The following CCDC85A variants were observed in gnomAD, a reference collection of about 807,000 sequenced individuals.
CCDC85A encodes coiled-coil domain-containing protein 85A.
In CCDC85A, 38 loss-of-function variants were observed where a neutral mutation model predicts 50.2. The ratio of observed to expected loss-of-function variants is 0.76; its 90% CI spans 0.58 to 0.99. CCDC85A has a LOEUF of 0.99. Ranked by LOEUF, CCDC85A falls within the 50% of genes least tolerant of loss-of-function variation. CCDC85A has a pLI of 0.00. For missense variants in CCDC85A, 820 were observed against 742.0 expected (o/e 1.11, Z -1.22); for synonymous variants, 366 against 301.4 (o/e 1.21, Z -2.22).
chr2:56,253,430 C>G (rs1222301830), intron 2 of CCDC85A, among the ~76,000 whole-genome samples: 1 of 152,006 alleles, frequency 6.6e-6, no homozygotes, highest in Non-Finnish European at 1.5e-5. Flanking sequence ...AACAAGAAGA[C>G]CAGAGCGGGT....
chr2:56,372,997 TGA>T (rs1231173931), intron 4 of CCDC85A, among the ~76,000 whole-genome samples: 1 of 152,202 alleles, frequency 6.6e-6, no homozygotes, highest in Non-Finnish European at 1.5e-5. Flanking sequence ...ATTAGTCGAC[TGA>T]GAGTATATGT....
chr2:56,361,387 A>G (rs1269938179), intron 3 of CCDC85A, among the ~76,000 whole-genome samples: 1 of 152,208 alleles, frequency 6.6e-6, no homozygotes, highest in Non-Finnish European at 1.5e-5. Flanking sequence ...ACTGTTTGAG[A>G]ATACAGTCTT....
At position 56,251,226 on chromosome 2, in the gene CCDC85A, T is replaced by C. The variant is rs72923437; in HGVS notation, c.1240+57786T>C. Among the ~76,000 whole-genome samples the C allele has an allele frequency of 2.3e-3, 349 of 152,326 alleles. 2 individuals carry two copies. The highest frequency in any genetic ancestry group is 8.1e-3 in the African/African-American group (336 of 41,576). On this transcript the variant is annotated intron_variant, in intron 2 of 5. Coordinates refer to ENST00000407595, the MANE Select transcript of CCDC85A (RefSeq NM_001080433.2). ...AGGCAGCCCTGTGTTGAGGGCTCTGTTTTCTCCTGTAGGCAGCAAATCCTT... is the reference window on the plus strand; with the variant it reads ...AGGCAGCCCTGTGTTGAGGGCTCTGCTTTCTCCTGTAGGCAGCAAATCCTT...
chr2:56,277,119 C>T (rs1013026555), intron 2 of CCDC85A, among the ~76,000 whole-genome samples: 1 of 152,074 alleles, frequency 6.6e-6, no homozygotes, highest in Non-Finnish European at 1.5e-5. Flanking sequence ...TTCATTCTTT[C>T]ACAATAGCTC....
At chr2:56,326,510 AT>A (rs1673479341) in intron 2 of CCDC85A, among the ~76,000 whole-genome samples, 1 of 152,092 alleles carries the variant, frequency 6.6e-6, no homozygotes, top group Admixed American at 6.6e-5. Flanking sequence ...GTCAGCAGGA[AT>A]TTTCCTGACC....
intron 1 of CCDC85A, among the ~76,000 whole-genome samples, chr2:56,189,191 C>G (rs918782779): frequency 6.6e-6 from 1 of 152,082 alleles, no homozygotes; most frequent in African/African-American, 2.4e-5. Flanking sequence ...AGGCAAGGGA[C>G]AGCCTTTCAG....
chr2:56,325,870 T>C (rs17047802), intron 2 of CCDC85A, among the ~76,000 whole-genome samples: 27,031 of 152,064 alleles, frequency 0.18, 2,703 homozygotes, highest in Admixed American at 0.24. Context: ...AACTGGCCAT[T>C]TTCACTTTGG....
At chr2:56,290,327 T>C (rs1168310906) in intron 2 of CCDC85A, among the ~76,000 whole-genome samples, 7 of 152,212 alleles carry the variant, frequency 4.6e-5, no homozygotes. Context: ...TGCTTTTTTT[T>C]TCTGGTTTTG....
chr2:56,201,589 A>G (rs1376908727), intron 2 of CCDC85A, among the ~76,000 whole-genome samples: 1 of 152,098 alleles, frequency 6.6e-6, no homozygotes, highest in Non-Finnish European at 1.5e-5. Flanking sequence ...AGTGTCCATA[A>G]TTGCTAGTTC....
chr2:56,320,536 C>A (rs1316913995), intron 2 of CCDC85A, among the ~76,000 whole-genome samples: 2 of 152,156 alleles, frequency 1.3e-5, no homozygotes, highest in Admixed American at 6.5e-5. Context: ...ACTAGGAAAT[C>A]TAGAAGAAAT....
At chr2:56,221,668 A>G (rs1262817972) in intron 2 of CCDC85A, among the ~76,000 whole-genome samples, 1 of 152,130 alleles carries the variant, frequency 6.6e-6, no homozygotes. Flanking sequence ...TCATTTCATG[A>G]TAATTGCTAT....
intron 3 of CCDC85A, among the ~76,000 whole-genome samples, chr2:56,351,394 A>G (rs1413148945): frequency 4.1e-5 from 6 of 147,682 alleles, no homozygotes; most frequent in Admixed American, 1.3e-4. Context: ...GTCAAATGGT[A>G]TTTCCAGTTC....
At chr2:56,291,402 G>A (rs1204721916) in intron 2 of CCDC85A, among the ~76,000 whole-genome samples, 1 of 152,218 alleles carries the variant, frequency 6.6e-6, no homozygotes, top group African/African-American at 2.4e-5. Context: ...CATATCATTA[G>A]TTAGTGAAAA....
intron 2 of CCDC85A, among the ~76,000 whole-genome samples, chr2:56,320,773 C>T (rs1297883512): frequency 3.3e-5 from 5 of 152,084 alleles, no homozygotes; most frequent in African/African-American, 1.2e-4. Flanking sequence ...AGAGGGAATC[C>T]TCCCTAATTC....
Position 56,184,253 on chromosome 2 carries a change from T to A in CCDC85A, c.-372T>A. The A allele has an allele frequency of 1.1e-6, 1 of 945,334 alleles. No individual in the cohort carries two copies. Among genetic ancestry groups the A allele is most frequent in the Non-Finnish European group, 1.3e-6 (1 of 782,492 alleles). The allele number at this position is 945,334 out of a possible 1,614,324, so 58.6% of individuals were successfully genotyped here. A position where few individuals can be genotyped will look rare whatever the true frequency, so the allele number is the denominator to read the frequency against. ...GGGCAGAGAGTGCGGGGGGCGACAG[T>A]CTCGGCTTAGGGCGGAGGAGAGGGC... On this transcript the variant is annotated 5_prime_UTR_variant, in exon 1 of 6. Coordinates refer to ENST00000407595, the MANE Select transcript of CCDC85A (RefSeq NM_001080433.2).
intron 2 of CCDC85A, among the ~76,000 whole-genome samples, chr2:56,253,707 A>G (rs113692246): frequency 0.011 from 1,695 of 152,320 alleles, 13 homozygotes; most frequent in Non-Finnish European, 0.018. Flanking sequence ...GAGTGGATTC[A>G]AGAGATGTTT....
chr2:56,278,205 G>A (rs1054386383), intron 2 of CCDC85A, among the ~76,000 whole-genome samples: 8 of 151,896 alleles, frequency 5.3e-5, no homozygotes, highest in African/African-American at 1.9e-4. Context: ...TTTGAGTAGT[G>A]TCTTCACTCT....
intron 2 of CCDC85A, among the ~76,000 whole-genome samples, chr2:56,304,885 C>G (rs937898475): frequency 1.3e-5 from 2 of 149,400 alleles, no homozygotes; most frequent in Non-Finnish European, 3.0e-5. Context: ...CCCATCTCTA[C>G]TAAATATAAC....
intron 5 of CCDC85A, chr2:56,383,467 G>A (rs1037980599): frequency 1.1e-5 from 4 of 354,336 alleles, no homozygotes; most frequent in Admixed American, 6.5e-5. Context: ...TGGTGAATTC[G>A]GTAGTTTTAC....
Sources: allele counts gnomAD v4.1 joint callset (sites outside exome capture counted in the v4.1 genomes callset), GRCh38; gene constraint gnomAD v4.1.1; transcripts MANE v1.5; gene names NCBI Gene and HGNC (gene_info 2026-07-23, HGNC 2026-07-21).